MAP3K7CL: variants seen among roughly 807,000 people sequenced by gnomAD.
The protein encoded by MAP3K7CL is MAP3K7 C-terminal like.
In MAP3K7CL, 16 loss-of-function variants were observed where a neutral mutation model predicts 18.6. The ratio of observed to expected loss-of-function variants is 0.86; its 90% confidence interval spans 0.58 to 1.31. The LOEUF (loss-of-function observed/expected upper bound fraction) is 1.31, where lower values mean the gene tolerates loss of function less well. MAP3K7CL is among the 50% of genes most tolerant of loss of function. The pLI, the probability that MAP3K7CL is intolerant of heterozygous loss-of-function variation, is 0.00. For missense variants in MAP3K7CL, 163 were observed against 174.4 expected, an observed-to-expected ratio of 0.93 and a Z score of 0.37; for synonymous variants, 65 against 66.8, an observed-to-expected ratio of 0.97 and a Z score of 0.13.
At chr21:29,099,745 T>A (rs2086188467) in intron 4 of MAP3K7CL, among the ~76,000 whole-genome samples, 2 of 151,904 alleles carry the variant, frequency 1.3e-5, no homozygotes, top group South Asian at 4.1e-4. Context: ...TCCTTTCCTC[T>A]TAAGAAACAG....
chr21:29,173,350 G>C (rs2087888834), intron 4 of MAP3K7CL, among the ~76,000 whole-genome samples: 1 of 151,884 alleles, frequency 6.6e-6, no homozygotes, highest in African/African-American at 2.4e-5. Flanking sequence ...TCCTTTTAGG[G>C]CACAAGATCT....
intron 4 of MAP3K7CL, among the ~76,000 whole-genome samples, chr21:29,160,553 A>G (rs1034379980): frequency 6.6e-6 from 1 of 152,210 alleles, no homozygotes; most frequent in Admixed American, 6.5e-5. Flanking sequence ...ATACAGTTCT[A>G]TTAATTAAAG....
chr21:29,159,327 T>A (rs2087483755), intron 3 of MAP3K7CL, among the ~76,000 whole-genome samples: 1 of 152,116 alleles, frequency 6.6e-6, no homozygotes, highest in East Asian at 1.9e-4. Context: ...CTTTCATGGA[T>A]GGGAGAAAAA....
At position 29,159,945 on chromosome 21, in the gene MAP3K7CL, T is replaced by C. The variant is rs569469033; in HGVS notation, c.137T>C (p.Leu46Pro). Residue 46 changes from leucine (L) to proline (P), a missense_variant, in exon 4 of 5, where the codon CTG becomes CCG. Coordinates refer to ENST00000399928, the MANE Select transcript of MAP3K7CL (RefSeq NM_001286620.2). ...TTCTTCTTGTTGTTTGTGAAGCCCCTGCCGCCTTGTCATGACTCCGAGGAA... is the reference window on the plus strand; with the variant it reads ...TTCTTCTTGTTGTTTGTGAAGCCCCCGCCGCCTTGTCATGACTCCGAGGAA... ...FPELDQQLQP[L>P]PPCHDSEESM... 22 of 1,613,074 alleles carry C rather than the reference T, an allele frequency of 1.4e-5. No homozygotes were observed. Among genetic ancestry groups the C allele is most frequent in the Non-Finnish European group, 1.9e-5 (22 of 1,179,330 alleles).
At chr21:29,169,849 G>A (rs2087780270) in intron 4 of MAP3K7CL, among the ~76,000 whole-genome samples, 1 of 152,178 alleles carries the variant, frequency 6.6e-6, no homozygotes, top group Admixed American at 6.5e-5. Flanking sequence ...CCAGGCATGT[G>A]GCTTAGGATG....
At chr21:29,147,303 G>C (rs1024671169) in intron 2 of MAP3K7CL, among the ~76,000 whole-genome samples, 1 of 151,844 alleles carries the variant, frequency 6.6e-6, no homozygotes, top group Admixed American at 6.6e-5. Context: ...TATATGCACT[G>C]TATCTGTACT....
At chr21:29,157,179 T>A (rs1342391838) in intron 3 of MAP3K7CL, among the ~76,000 whole-genome samples, 1 of 152,124 alleles carries the variant, frequency 6.6e-6, no homozygotes, top group Non-Finnish European at 1.5e-5. Context: ...AAGTGTACAG[T>A]TTGGTAGTGT....
upstream of MAP3K7CL, among the ~76,000 whole-genome samples, chr21:29,083,106 T>C (rs2085863844): frequency 6.6e-6 from 1 of 152,234 alleles, no homozygotes; most frequent in Non-Finnish European, 1.5e-5. Context: ...GGCATGATAT[T>C]GGTCCTTTCT....
chr21:29,100,700 CTTTTTTTTTTTT>C (rs34749282), intron 4 of MAP3K7CL, among the ~76,000 whole-genome samples: 2 of 68,650 alleles, frequency 2.9e-5, no homozygotes, highest in Admixed American at 2.0e-4. Flanking sequence ...AAACAGCAAA[CTTTTTTTTTTTT>C]TTTTTTTTTT....
chr21:29,128,029 GTCACT>G, upstream of MAP3K7CL: 1 of 152,406 alleles, frequency 6.6e-6, no homozygotes, highest in African/African-American at 2.4e-5. Context: ...GCCACTTCCA[GTCACT>G]GACTGCCTTG....
intron 4 of MAP3K7CL, among the ~76,000 whole-genome samples, chr21:29,167,271 T>C (rs2123214513): frequency 6.6e-6 from 1 of 152,298 alleles, no homozygotes; most frequent in South Asian, 2.1e-4. Flanking sequence ...AGGTGAAAAA[T>C]GTTACATAAT....
At chr21:29,159,707 A>G (rs1354309383) in intron 3 of MAP3K7CL, among the ~76,000 whole-genome samples, 1 of 152,158 alleles carries the variant, frequency 6.6e-6, no homozygotes, top group Non-Finnish European at 1.5e-5. Flanking sequence ...CAGGCCTGAG[A>G]TGCCCATGAA....
intron 4 of MAP3K7CL, among the ~76,000 whole-genome samples, chr21:29,123,522 G>A (rs894331428): frequency 2.0e-5 from 3 of 152,168 alleles, no homozygotes; most frequent in Non-Finnish European, 4.4e-5. Flanking sequence ...GTGTAACTTT[G>A]GGAACTCTAT....
intron 4 of MAP3K7CL, among the ~76,000 whole-genome samples, chr21:29,122,466 T>C (rs2086611398): frequency 6.6e-6 from 1 of 152,176 alleles, no homozygotes; most frequent in East Asian, 1.9e-4. Flanking sequence ...GAATTGAAGA[T>C]GGTAAATTGT....
At chr21:29,163,156 A>G (rs979731411) in intron 4 of MAP3K7CL, among the ~76,000 whole-genome samples, 4 of 152,264 alleles carry the variant, frequency 2.6e-5, no homozygotes, top group East Asian at 3.9e-4. Flanking sequence ...AACTTCTAGA[A>G]GTAACATGGC....
intron 2 of MAP3K7CL, among the ~76,000 whole-genome samples, chr21:29,137,127 A>G (rs1353567907): frequency 6.6e-6 from 1 of 152,236 alleles, no homozygotes; most frequent in East Asian, 1.9e-4. Flanking sequence ...CCCTGAAATT[A>G]TGATAATTGA....
At chr21:29,138,548 A>C (rs925801361) in intron 2 of MAP3K7CL, among the ~76,000 whole-genome samples, 1 of 152,208 alleles carries the variant, frequency 6.6e-6, no homozygotes, top group Non-Finnish European at 1.5e-5. Context: ...AAAAACTGGC[A>C]TGCTCCTTGT....
At chr21:29,090,797 C>T (rs1393104704) in intron 1 of MAP3K7CL, among the ~76,000 whole-genome samples, 4 of 151,128 alleles carry the variant, frequency 2.6e-5, no homozygotes, top group African/African-American at 7.3e-5. Flanking sequence ...CCCGGGACTT[C>T]GTTTTTTTTC....
At chr21:29,163,394 T>G (rs888226317) in intron 4 of MAP3K7CL, among the ~76,000 whole-genome samples, 1 of 152,246 alleles carries the variant, frequency 6.6e-6, no homozygotes, top group Non-Finnish European at 1.5e-5. Flanking sequence ...AAGTTCCTTT[T>G]TCTTCATTCT....
Sources: gnomAD v4.1 joint callset for allele counts (sites outside exome capture counted in the v4.1 genomes callset) on GRCh38, gnomAD v4.1.1 for gene constraint, MANE v1.5 for transcripts, NCBI Gene and HGNC (gene_info 2026-07-23, HGNC 2026-07-21) for gene names.